PVRIG: variants seen among roughly 807,000 people sequenced by gnomAD.
PVRIG encodes PVR related immunoglobulin domain containing.
In PVRIG, 16 loss-of-function variants were observed where a neutral mutation model predicts 21.9. The ratio of observed to expected loss-of-function variants is 0.73; its 90% CI spans 0.50 to 1.11. The LOEUF (loss-of-function observed/expected upper bound fraction) is 1.11. Ranked by LOEUF, PVRIG falls within the 50% of genes most tolerant of loss-of-function variation. The pLI is 0.00. For missense variants in PVRIG, 435 were observed against 445.7 expected (o/e 0.98, Z 0.22); for synonymous variants, 190 against 181.0 (o/e 1.05, Z -0.40).
In PVRIG at chr7:100,219,781, G is replaced by C. The variant is rs1803083672; in HGVS notation, c.-130G>C. 5.3e-6 allele frequency: 4 copies of C among 750,806 alleles called. No individual in the cohort carries two copies. The East Asian group carries it at 1.1e-4, about 20-fold the overall frequency. The allele number at this position is 750,806 out of a possible 1,614,324, so 46.5% of individuals were successfully genotyped here. A position where few individuals can be genotyped will look rare whatever the true frequency, so the allele number is the denominator to read the frequency against. On this transcript the variant is annotated 5_prime_UTR_variant, in exon 2 of 6. Coordinates refer to ENST00000317271, the Ensembl canonical transcript of PVRIG. ...TTGTTACCTGGAAGCACAGCCTTGGGGACTGAGCAGGCCCTCACTGTCACT... is the reference window on the plus strand; with the variant it reads ...TTGTTACCTGGAAGCACAGCCTTGGCGACTGAGCAGGCCCTCACTGTCACT...
In PVRIG at chr7:100,220,688, C is replaced by T. The variant is rs1803174880; in HGVS notation, c.596+15C>T. ...CATAAGCACCGGTGAGACCTGGTCC[C>T]TGTCCACGTCCCCCTGACACTGGGA... On this transcript the variant is annotated intron_variant, in intron 4 of 5. Coordinates refer to ENST00000317271, the Ensembl canonical transcript of PVRIG. The T allele has an allele frequency of 1.2e-6, 2 of 1,609,934 alleles. No individual in the cohort carries two copies. The highest frequency in any genetic ancestry group is 1.1e-5 in the South Asian group (1 of 91,000).
exon 3 of PVRIG, chr7:100,220,400 G>A: frequency 6.3e-7 from 1 of 1,593,728 alleles, no homozygotes; most frequent in African/African-American, 1.3e-5. Flanking sequence ...TCTGCTGCAA[G>A]TTTGCGTCCT....
intron 1 of PVRIG, chr7:100,219,649 G>A (rs1013280767): frequency 7.1e-6 from 4 of 564,802 alleles, no homozygotes; most frequent in African/African-American, 5.7e-5. Context: ...ACCCCTTGCT[G>A]TCCAGGGAAG....
exon 6 of PVRIG, chr7:100,221,107 C>A (rs1803220920): frequency 1.9e-6 from 3 of 1,614,024 alleles, no homozygotes; most frequent in Non-Finnish European, 2.5e-6. Flanking sequence ...CCACACCCAT[C>A]CCTGCACGTG....
At position 100,220,233 on chromosome 7, in the gene PVRIG, C is replaced by T. The variant is rs763458803; in HGVS notation, c.238C>T (p.Pro80Ser). The T allele has an allele frequency of 4.4e-6, 7 of 1,585,578 alleles. No homozygotes were observed. In the Admixed American group the frequency reaches 9.1e-5, roughly 21 times the overall value. ...CCTGGTGACTGTGAGCTGGGGGGGC[C>T]CCAACGGTGCTGGGGGGACCACGCT... is the stretch of plus-strand genomic sequence containing the variant. The change falls in exon 3 of 6, where the codon CCC (proline) becomes TCC (serine). Residue 80 changes from proline (P) to serine (S), a missense_variant. Pro to Ser is a moderately conservative substitution (Grantham distance 74, BLOSUM62 -1). Coordinates refer to ENST00000317271, the Ensembl canonical transcript of PVRIG.
At chr7:100,220,644 C>T (rs758632929) in exon 4 of PVRIG, 2 of 1,611,466 alleles carry the variant, frequency 1.2e-6, no homozygotes, top group South Asian at 2.2e-5. Flanking sequence ...GTGTCTACCT[C>T]CTTCATCTGC....
At chr7:100,221,026 G>T (rs1803210791) in exon 6 of PVRIG, 2 of 1,612,436 alleles carry the variant, frequency 1.2e-6, no homozygotes, top group Non-Finnish European at 1.7e-6. Context: ...ACCCCCATGG[G>T]GGGCCGTCCT....
In PVRIG at chr7:100,220,217, T is replaced by C. The variant is rs777415202; in HGVS notation, c.222T>C (p.Thr74=). Residue 74 remains threonine, a synonymous_variant, in exon 3 of 6, where the codon ACT becomes ACC. Coordinates refer to ENST00000317271, the Ensembl canonical transcript of PVRIG. ...GGTCTGGCTCCATCTCCCTGGTGAC[T>C]GTGAGCTGGGGGGGCCCCAACGGTG... 5 of 1,594,298 alleles carry C rather than the reference T, an allele frequency of 3.1e-6. No homozygotes were observed. The African/African-American group carries it at 6.7e-5, about 21-fold the overall frequency.
exon 3 of PVRIG, chr7:100,220,306 G>A (rs1254539852): frequency 1.0e-5 from 16 of 1,556,710 alleles, no homozygotes; most frequent in Middle Eastern, 1.9e-4. Flanking sequence ...GCCCCTGCTC[G>A]CCAGGCCCGC....
exon 6 of PVRIG, chr7:100,221,150 G>A (rs368226713): frequency 9.9e-6 from 16 of 1,613,270 alleles, no homozygotes; most frequent in African/African-American, 5.3e-5. Context: ...TGGACTCTAC[G>A]CTCAGGCAGG....
exon 6 of PVRIG, chr7:100,221,333 T>A: frequency 8.5e-7 from 1 of 1,183,208 alleles, no homozygotes; most frequent in Non-Finnish European, 1.2e-6. Context: ...GGGCCTCCAA[T>A]AAGTGTCCCA....
rs753889124 is a variant in PVRIG, at chr7:100,220,069, G to A, written c.118+41G>A. The A allele has an allele frequency of 4.4e-6, 7 of 1,603,998 alleles. No individual in the cohort carries two copies. The South Asian group carries it at 4.5e-5, about 10-fold the overall frequency. On this transcript the variant is annotated intron_variant, in intron 2 of 5. Transcript: ENST00000317271. ...AGAGAGGGGCAGGGGCTGCAGGGAG[G>A]GTGATGTAGGACAACAGCCCACCGA...
At chr7:100,220,706 C>T in intron 4 of PVRIG, 33 bp downstream of exon 3, 1 of 1,608,952 alleles carries the variant, frequency 6.2e-7, no homozygotes, top group South Asian at 1.1e-5. Flanking sequence ...GTCCCCCTGA[C>T]ACTGGGATGG....
At chr7:100,220,516 C>T in intron 3 of PVRIG, 31 bp from the exon 3 acceptor site, 2 of 1,610,922 alleles carry the variant, frequency 1.2e-6, no homozygotes, top group Non-Finnish European at 1.7e-6. Flanking sequence ...CGGGAACTGG[C>T]CACCCATCTG....
At chr7:100,219,902 C>T (rs1042312491) in exon 2 of PVRIG, 1 of 1,547,518 alleles carries the variant, frequency 6.5e-7, no homozygotes, top group Non-Finnish European at 8.7e-7. Context: ...AACATGAAGA[C>T]TTCCTGCGAT....
Position 100,219,804 on chromosome 7 carries a change from A to G in PVRIG, c.-107A>G, listed in dbSNP as rs561396240. The stretch of plus-strand genomic sequence containing the variant: ...GGGGACTGAGCAGGCCCTCACTGTC[A>G]CTTTAAGAAGGGAATCAGCCACTTT... On this transcript the variant is annotated 5_prime_UTR_variant, in exon 2 of 6. Transcript: ENST00000317271. 9.1e-5 allele frequency: 79 copies of G among 871,348 alleles called. No homozygotes were observed. The African/African-American group carries it at 1.1e-3, about 12-fold the overall frequency. 54.0% of individuals were successfully genotyped at this position (871,348 alleles called of 1,614,324 possible).
At chr7:100,221,041 G>T in exon 6 of PVRIG, 2 of 1,613,398 alleles carry the variant, frequency 1.2e-6, no homozygotes. Flanking sequence ...CGTCCTGGTG[G>T]GCGTCACTCC....
chr7:100,220,765 C>T, exon 5 of PVRIG: 2 of 1,606,100 alleles, frequency 1.2e-6, no homozygotes, highest in Non-Finnish European at 1.7e-6. Flanking sequence ...CCCAGCCCTG[C>T]CCCTAGGCTC....
chr7:100,221,304 C>A (rs705867), exon 6 of PVRIG: 2 of 1,383,560 alleles, frequency 1.4e-6, no homozygotes, highest in Admixed American at 2.7e-5. Context: ...CTGGGTGTCA[C>A]CCCCTTACTT....
Sources: allele counts gnomAD v4.1 joint callset, GRCh38; gene constraint gnomAD v4.1.1; transcripts MANE v1.5; gene names NCBI Gene and HGNC (gene_info 2026-07-23, HGNC 2026-07-21).